Variants in ADAMTSL1 observed in about 807,000 individuals in gnomAD.
The protein encoded by ADAMTSL1 is ADAMTS like 1.
ADAMTSL1 carries 126 observed loss-of-function variants against 201.8 expected under a neutral mutation model. The ratio of observed to expected loss-of-function variants is 0.62; its 90% CI spans 0.54 to 0.72. ADAMTSL1 has a LOEUF of 0.72. Ranked by LOEUF, ADAMTSL1 falls within the 30% of genes least tolerant of loss-of-function variation. The pLI, the probability that ADAMTSL1 is intolerant of heterozygous loss-of-function variation, is 0.00. For synonymous variants in ADAMTSL1, 1,121 were observed against 903.4 expected (o/e 1.24, Z -4.32); for missense variants, 2,679 against 2,277.8 (o/e 1.18, Z -3.59).
chr9:18,739,761 T>C (rs1818710902), intron 15 of ADAMTSL1, among the ~76,000 whole-genome samples: 1 of 152,166 alleles, frequency 6.6e-6, no homozygotes, highest in Non-Finnish European at 1.5e-5. Flanking sequence ...GTTCCCCATA[T>C]CCTGTGAATA....
chr9:18,858,440 G>C (rs1249030949), intron 23 of ADAMTSL1, among the ~76,000 whole-genome samples: 2 of 152,156 alleles, frequency 1.3e-5, no homozygotes, highest in Admixed American at 1.3e-4. Context: ...GTCTCCCTAT[G>C]AACATTGATG....
At chr9:18,342,044 G>A (rs1367723033) in intron 2 of ADAMTSL1, among the ~76,000 whole-genome samples, 2 of 152,050 alleles carry the variant, frequency 1.3e-5, no homozygotes, top group Non-Finnish European at 2.9e-5. Flanking sequence ...TTTATTATAT[G>A]ACCAAATAAT....
chr9:18,215,854 A>G (rs1311205734), intron 2 of ADAMTSL1, among the ~76,000 whole-genome samples: 1 of 152,182 alleles, frequency 6.6e-6, no homozygotes, highest in Non-Finnish European at 1.5e-5. Context: ...GACAGCTGCT[A>G]CAAGAATGAA....
intron 2 of ADAMTSL1, among the ~76,000 whole-genome samples, chr9:18,433,674 G>T (rs1056348338): frequency 8.5e-5 from 13 of 152,240 alleles, no homozygotes; most frequent in African/African-American, 3.1e-4. Context: ...TAATCCCAGA[G>T]ATCTGAGCAG....
At chr9:18,285,890 T>G (rs1488775669) in intron 2 of ADAMTSL1, among the ~76,000 whole-genome samples, 1 of 152,174 alleles carries the variant, frequency 6.6e-6, no homozygotes, top group Admixed American at 6.5e-5. Flanking sequence ...AAGTGTGCAA[T>G]TGACTGGGTT....
chr9:18,016,319 G>A (rs1185806626), intron 1 of ADAMTSL1, among the ~76,000 whole-genome samples: 2 of 151,978 alleles, frequency 1.3e-5, no homozygotes, highest in African/African-American at 2.4e-5. Flanking sequence ...TGTCATTGTC[G>A]TGAACTCTTG....
chr9:17,995,447 G>T (rs926567125), intron 1 of ADAMTSL1, among the ~76,000 whole-genome samples: 2 of 152,136 alleles, frequency 1.3e-5, no homozygotes, highest in African/African-American at 4.8e-5. Context: ...TTGAAGTAAA[G>T]TTATAATGAA....
chr9:18,752,890 A>G (rs1231933434), intron 15 of ADAMTSL1, among the ~76,000 whole-genome samples: 1 of 152,232 alleles, frequency 6.6e-6, no homozygotes, highest in Non-Finnish European at 1.5e-5. Context: ...AGTCTTGCTA[A>G]GAATTGGGGC....
chr9:18,186,087 G>C (rs1828719647), intron 2 of ADAMTSL1, among the ~76,000 whole-genome samples: 1 of 152,150 alleles, frequency 6.6e-6, no homozygotes, highest in Non-Finnish European at 1.5e-5. Context: ...GAGAATTCAA[G>C]TACCACGTAT....
chr9:18,768,285 C>T (rs1007888799), intron 16 of ADAMTSL1, among the ~76,000 whole-genome samples: 2 of 152,166 alleles, frequency 1.3e-5, no homozygotes, highest in African/African-American at 2.4e-5. Context: ...TGCAAGCACG[C>T]AGGAGTTGCT....
rs1825900821 is a variant in ADAMTSL1, at chr9:17,911,517, T to C, written c.87+4595T>C. Among the ~76,000 whole-genome samples, 2 of 68,166 alleles carry C rather than the reference T, an allele frequency of 2.9e-5. 1 individual carries two copies. The highest frequency in any genetic ancestry group is 9.0e-5 in the Non-Finnish European group (2 of 22,306). 44.7% of individuals were successfully genotyped at this position (68,166 alleles called of 152,430 possible). On this transcript the variant is annotated intron_variant, in intron 1 of 29. Coordinates refer to the ADAMTSL1 transcript ENST00000680146. Reference sequence around the variant, plus strand: ...CGGTTCATGTCCTTTTGGTGATATATATGTGGTAGCTCATTCAGACAGAAA... The same window carrying C: ...CGGTTCATGTCCTTTTGGTGATATACATGTGGTAGCTCATTCAGACAGAAA...
rs376265671 is a variant in ADAMTSL1 at position 18,136,230 on chromosome 9, C to T, written c.88-27632C>T. Among the ~76,000 whole-genome samples, 296 of 152,220 alleles carry T rather than the reference C, an allele frequency of 1.9e-3. 3 individuals carry two copies. The South Asian group carries it at 0.022, about 11-fold the overall frequency. ...AAAAATAAATATTTCCAAAGAATAC[C>T]TTTAGAGAGTCTAATTAAGAACGTC... On this transcript the variant is annotated intron_variant, in intron 1 of 29. Transcript: ENST00000680146.
intron 1 of ADAMTSL1, among the ~76,000 whole-genome samples, chr9:18,074,824 C>T (rs995084000): frequency 2.6e-5 from 4 of 152,142 alleles, no homozygotes; most frequent in Non-Finnish European, 5.9e-5. Context: ...CTCCTAACCT[C>T]AGGTGATCCA....
chr9:18,372,090 C>T (rs1423342512), intron 2 of ADAMTSL1, among the ~76,000 whole-genome samples: 1 of 152,204 alleles, frequency 6.6e-6, no homozygotes, highest in East Asian at 1.9e-4. Flanking sequence ...AATCCTTCAA[C>T]TGCACTTCCT....
intron 2 of ADAMTSL1, among the ~76,000 whole-genome samples, chr9:18,174,874 A>C (rs188530297): frequency 6.6e-6 from 1 of 152,196 alleles, no homozygotes; most frequent in Non-Finnish European, 1.5e-5. Context: ...TTATTACCCA[A>C]TGGAAAGTTT....
chr9:18,516,313 T>C (rs1470945688), intron 2 of ADAMTSL1, among the ~76,000 whole-genome samples: 1 of 152,144 alleles, frequency 6.6e-6, no homozygotes, highest in Non-Finnish European at 1.5e-5. Flanking sequence ...GTCCAAATCA[T>C]ATACAATGGG....
At chr9:18,844,186 A>T (rs1267938965) in intron 23 of ADAMTSL1, among the ~76,000 whole-genome samples, 1 of 151,864 alleles carries the variant, frequency 6.6e-6, no homozygotes, top group Non-Finnish European at 1.5e-5. Context: ...TTGGTCTTTG[A>T]TGATGGTGAT....
chr9:18,687,815 A>G (rs1162964272), intron 13 of ADAMTSL1, among the ~76,000 whole-genome samples: 4 of 152,220 alleles, frequency 2.6e-5, no homozygotes, highest in Admixed American at 6.5e-5. Flanking sequence ...ATTGCCAAGA[A>G]ATAAATAACA....
intron 2 of ADAMTSL1, among the ~76,000 whole-genome samples, chr9:18,308,876 T>TA (rs1834009622): frequency 6.6e-6 from 1 of 151,860 alleles, no homozygotes; most frequent in South Asian, 2.1e-4. Flanking sequence ...GGCAGAGACA[T>TA]AGCAAAAAAA....
Sources: gnomAD v4.1 joint callset for allele counts (sites outside exome capture counted in the v4.1 genomes callset) on GRCh38, gnomAD v4.1.1 for gene constraint, MANE v1.5 for transcripts, NCBI Gene and HGNC (gene_info 2026-07-23, HGNC 2026-07-21) for gene names.